Variants in PCDHGA12 observed in about 807,000 individuals in gnomAD.
The protein encoded by PCDHGA12 is protocadherin gamma-A12.
Under a neutral mutation model 61.1 loss-of-function variants are expected in PCDHGA12, and 43 were observed. The observed-to-expected ratio is 0.70, with a 90% CI of 0.55 to 0.91. The LOEUF is 0.91. Ranked by LOEUF, PCDHGA12 falls within the 40% of genes least tolerant of loss-of-function variation. The pLI is 0.00. For missense variants in PCDHGA12, 1,236 were observed against 1,227.7 expected, an observed-to-expected ratio of 1.01 and a Z score of -0.10; for synonymous variants, 520 against 542.9, an observed-to-expected ratio of 0.96 and a Z score of 0.59.
intron 1 of PCDHGA12, among the ~76,000 whole-genome samples, chr5:141,449,579 ACT>A (rs370512396): frequency 0.052 from 7,360 of 141,924 alleles, 400 homozygotes; most frequent in African/African-American, 0.14. Flanking sequence ...ACAGAGCAAG[ACT>A]CTGTCTCAAA....
intron 1 of PCDHGA12, among the ~76,000 whole-genome samples, chr5:141,481,105 T>C (rs1357970765): frequency 6.6e-6 from 1 of 152,188 alleles, no homozygotes; most frequent in Non-Finnish European, 1.5e-5. Flanking sequence ...CTCTGGAACC[T>C]ACCAATCCAT....
chr5:141,473,299 G>T (rs182316672), intron 1 of PCDHGA12, among the ~76,000 whole-genome samples: 5 of 152,228 alleles, frequency 3.3e-5, no homozygotes, highest in Admixed American at 1.3e-4. Flanking sequence ...GTAGCATAAA[G>T]ATTGCTATAT....
At chr5:141,435,510 T>C (rs72790047) in intron 1 of PCDHGA12, among the ~76,000 whole-genome samples, 9,714 of 152,280 alleles carry the variant, frequency 0.064, 363 homozygotes, top group African/African-American at 0.099. Context: ...ATGATACTAA[T>C]GATGACTTTG....
At chr5:141,433,211 T>TC in intron 1 of PCDHGA12, 28 bp downstream of exon 1, 1 of 1,568,160 alleles carries the variant, frequency 6.4e-7, no homozygotes, top group Non-Finnish European at 8.6e-7. Context: ...CTTCTTTCTT[T>TC]TTTTTTTTTA....
At chr5:141,438,949 A>G (rs538626951) in intron 1 of PCDHGA12, among the ~76,000 whole-genome samples, 1 of 152,170 alleles carries the variant, frequency 6.6e-6, no homozygotes, top group East Asian at 1.9e-4. Flanking sequence ...TATAGGCATG[A>G]GCCACCGCAC....
chr5:141,510,553 A>C (rs1471878583), intron 3 of PCDHGA12, among the ~76,000 whole-genome samples: 1 of 152,162 alleles, frequency 6.6e-6, no homozygotes, highest in African/African-American at 2.4e-5. Context: ...TGTTTTGAGC[A>C]CTTACATCTA....
intron 3 of PCDHGA12, among the ~76,000 whole-genome samples, chr5:141,508,616 G>T (rs1007206932): frequency 6.6e-6 from 1 of 152,114 alleles, no homozygotes; most frequent in African/African-American, 2.4e-5. Flanking sequence ...ATAGGACGTG[G>T]GTGGGCCGAG....
In PCDHGA12 at chr5:141,433,028, G is replaced by T. The variant is rs539293579; in HGVS notation, c.2269G>T (p.Val757Phe). 27 of 1,614,116 alleles carry T rather than the reference G, an allele frequency of 1.7e-5. No individual in the cohort carries two copies. The highest frequency in any genetic ancestry group is 6.7e-5 in the Admixed American group (4 of 60,018). The change falls in exon 1 of 4, where the codon GTT (valine) becomes TTT (phenylalanine). Residue 757 changes from valine (V) to phenylalanine (F), a missense_variant. Val to Phe is a conservative substitution (Grantham distance 50, BLOSUM62 -1). Coordinates refer to ENST00000252085, the MANE Select transcript of PCDHGA12 (RefSeq NM_003735.3). Reference protein sequence around the residue: ...QAFLQTYSHEVSLTTDSRKSH... With the variant: ...QAFLQTYSHEFSLTTDSRKSH... ...TTTCCTGCAGACCTATTCCCACGAG[G>T]TTTCCCTCACCACGGACTCGCGGAA...
At chr5:141,448,730 G>A (rs1419700194) in intron 1 of PCDHGA12, among the ~76,000 whole-genome samples, 1 of 152,072 alleles carries the variant, frequency 6.6e-6, no homozygotes, top group African/African-American at 2.4e-5. Context: ...CACGAGGTCA[G>A]GAGATCGAGA....
In PCDHGA12 at chr5:141,486,645, C is replaced by G. The variant is rs369948556; in HGVS notation, c.2425-8162C>G. ...GACTCTGGCTTGAATGCGCTTATCT[C>G]CTACTCACTCCTGGAGCCCAGGAAT... On this transcript the variant is annotated intron_variant, in intron 1 of 3. Coordinates refer to ENST00000252085, the MANE Select transcript of PCDHGA12 (RefSeq NM_003735.3). The surrounding 1 kb of genome is among the most constrained non-coding windows in gnomAD (Gnocchi z 5.0). 4.3e-6 allele frequency: 7 copies of G among 1,613,752 alleles called. No individual in the cohort carries two copies. The Admixed American group carries it at 6.7e-5, about 15-fold the overall frequency.
chr5:141,451,428 G>T (rs552096051), intron 1 of PCDHGA12, among the ~76,000 whole-genome samples: 17 of 152,166 alleles, frequency 1.1e-4, no homozygotes, highest in Non-Finnish European at 2.1e-4. Context: ...TTAGACTAAG[G>T]GTTCCAGTTC....
chr5:141,489,701 T>C lies in PCDHGA12; in HGVS notation c.2425-5106T>C, dbSNP rs1038902932. The C allele has an allele frequency of 1.9e-6, 3 of 1,614,128 alleles. No homozygotes were observed. The highest frequency in any genetic ancestry group is 2.5e-6 in the Non-Finnish European group (3 of 1,179,944). On this transcript the variant is annotated intron_variant, in intron 1 of 3. Transcript: ENST00000252085. The surrounding 1 kb of genome is among the most constrained non-coding windows in gnomAD (Gnocchi z 4.5). ...GCAGCATCTGGGGCACGATTCCCAC[T>C]GGACAGTGCCCAGGATCCGGATGTG...
intron 1 of PCDHGA12, among the ~76,000 whole-genome samples, chr5:141,435,157 A>G (rs1387976305): frequency 6.6e-6 from 1 of 152,176 alleles, no homozygotes; most frequent in Non-Finnish European, 1.5e-5. Context: ...AAACTTTTGT[A>G]AATAGAGTGG....
At chr5:141,435,821 T>C (rs571444304) in intron 1 of PCDHGA12, among the ~76,000 whole-genome samples, 72 of 152,240 alleles carry the variant, frequency 4.7e-4, no homozygotes, top group African/African-American at 1.6e-3. Context: ...CTTTCTTCTT[T>C]GTTTGCTGCC....
intron 1 of PCDHGA12, among the ~76,000 whole-genome samples, chr5:141,457,745 G>T (rs1039982528): frequency 6.6e-6 from 1 of 152,232 alleles, no homozygotes; most frequent in Non-Finnish European, 1.5e-5. Flanking sequence ...TTTTAAAGCT[G>T]AGCCCAGACA....
chr5:141,446,251 A>G (rs979768028), intron 1 of PCDHGA12, among the ~76,000 whole-genome samples: 1 of 152,178 alleles, frequency 6.6e-6, no homozygotes, highest in Admixed American at 6.5e-5. Context: ...ATCTTCAGTG[A>G]AATATTATTA....
chr5:141,442,702 T>G (rs1301940560), intron 1 of PCDHGA12, among the ~76,000 whole-genome samples: 6 of 152,224 alleles, frequency 3.9e-5, no homozygotes, highest in Non-Finnish European at 8.8e-5. Context: ...GACAAGAGTA[T>G]CAGACATGCC....
chr5:141,454,657 CG>C (rs1313292109), intron 1 of PCDHGA12, among the ~76,000 whole-genome samples: 1 of 152,074 alleles, frequency 6.6e-6, no homozygotes, highest in Admixed American at 6.6e-5. Flanking sequence ...CTGCCCACCT[CG>C]GCCTCCCAAA....
intron 1 of PCDHGA12, chr5:141,478,450 AGCCAGTCCACTGGCCAGCC>A (rs1562070520): frequency 6.2e-7 from 1 of 1,613,572 alleles, no homozygotes. Context: ...AACCTGGTGC[AGCCAGTCCACTGGCCAGCC>A]GCCAGAACAC....
Sources: gnomAD v4.1 joint callset for allele counts (sites outside exome capture counted in the v4.1 genomes callset) on GRCh38, gnomAD v4.1.1 for gene constraint, Gnocchi (gnomAD v3.1) non-coding constraint, MANE v1.5 for transcripts, NCBI Gene and HGNC (gene_info 2026-07-23, HGNC 2026-07-21) for gene names.